ULK2: variants seen among roughly 807,000 people sequenced by gnomAD.
ULK2 encodes the protein serine/threonine-protein kinase ULK2.
ULK2 carries 76 observed loss-of-function variants against 127.5 expected under a neutral mutation model. The ratio of observed to expected loss-of-function variants is 0.60; its 90% CI spans 0.50 to 0.72. ULK2 has a LOEUF of 0.72. Ranked by LOEUF, ULK2 falls within the 30% of genes least tolerant of loss-of-function variation. The pLI is 0.00. For synonymous variants in ULK2, 452 were observed against 461.9 expected, an observed-to-expected ratio of 0.98 and a Z score of 0.28; for missense variants, 1,144 against 1,295.9, an observed-to-expected ratio of 0.88 and a Z score of 1.80.
chr17:19,780,714 T>C (rs1026445055), intron 24 of ULK2, 85 bp from the exon 25 acceptor site: 105 of 1,383,012 alleles, frequency 7.6e-5, no homozygotes, highest in Middle Eastern at 2.4e-4. Context: ...TGCTGATATA[T>C]AGGGAAGGTG....
chr17:19,851,492 T>G (rs1228280543), intron 3 of ULK2, among the ~76,000 whole-genome samples: 1 of 151,120 alleles, frequency 6.6e-6, no homozygotes, highest in East Asian at 2.0e-4. Flanking sequence ...ACAAAGAAAT[T>G]AGCCGGGCGT....
At chr17:19,788,110 C>T (rs563289507) in intron 20 of ULK2, among the ~76,000 whole-genome samples, 5 of 152,180 alleles carry the variant, frequency 3.3e-5, no homozygotes, top group African/African-American at 7.2e-5. Context: ...TAAAGCGCTC[C>T]GGGTCCAAGT....
Position 19,783,692 on chromosome 17 carries a change from T to C in ULK2, c.2460+5A>G, listed in dbSNP as rs2152382212. 2 of 1,506,914 alleles carry C rather than the reference T, an allele frequency of 1.3e-6. No homozygotes were observed. The highest frequency in any genetic ancestry group is 1.8e-4 in the Middle Eastern group (1 of 5,680). The allele number at this position is 1,506,914 out of a possible 1,614,324, so 93.3% of individuals were successfully genotyped here. A position where few individuals can be genotyped will look rare whatever the true frequency, so the allele number is the denominator to read the frequency against. ...ACATTCACACCACTATAGTCTCTTT[T>C]CTACCTCCATCAGCGTCTCCTCCGG... On this transcript the variant is annotated splice_donor_5th_base_variant and intron_variant, in intron 22 of 26. Coordinates refer to ENST00000395544, the MANE Select transcript of ULK2 (RefSeq NM_014683.4).
rs144319943 is a variant in ULK2 at position 19,825,508 on chromosome 17, G to C, written c.836-326C>G. 7.7e-4 allele frequency among the ~76,000 whole-genome samples: 117 copies of C among 152,222 alleles called. 4 individuals carry two copies. The East Asian group carries it at 0.021, about 28-fold the overall frequency. On this transcript the variant is annotated intron_variant, in intron 11 of 26. Transcript: ENST00000395544. ...GAGGATCACTTGAGGTCAGGAGTTT[G>C]AGACCAGCCTGACCAACATGGTGAA...
intron 17 of ULK2, among the ~76,000 whole-genome samples, chr17:19,797,931 T>C (rs1363958233): frequency 6.6e-6 from 1 of 152,148 alleles, no homozygotes. Flanking sequence ...AATCAGTAGA[T>C]AGCAAATAAC....
rs181140352 is a variant in ULK2 at position 19,852,901 on chromosome 17, C to T, written c.226-3127G>A. ...TCCTGACCTCGTGATCCGCCCACCT[C>T]GGCCTCCCAAAGTGCTGGGATTACA... On this transcript the variant is annotated intron_variant, in intron 3 of 26. Transcript: ENST00000395544. 3.6e-3 allele frequency among the ~76,000 whole-genome samples: 545 copies of T among 152,084 alleles called. 3 individuals carry two copies. Among genetic ancestry groups the T allele is most frequent in the African/African-American group, 0.013 (522 of 41,508 alleles).
intron 10 of ULK2, among the ~76,000 whole-genome samples, chr17:19,835,671 C>T (rs1329883877): frequency 6.6e-6 from 1 of 150,682 alleles, no homozygotes; most frequent in Non-Finnish European, 1.5e-5. Context: ...GAGCCGAGAT[C>T]CCGCCACTGC....
Position 19,771,353 on chromosome 17 carries a change from A to G in ULK2, c.*4996T>C, listed in dbSNP as rs2086734404. The G allele has an allele frequency of 6.6e-6, 1 of 152,244 alleles. No individual in the cohort carries two copies. The highest frequency in any genetic ancestry group is 6.5e-5 in the Admixed American group (1 of 15,284). The allele number at this position is 152,244 out of a possible 1,614,324, so 9.4% of individuals were successfully genotyped here. Reference sequence around the variant, plus strand: ...CCACTTAAACAGCCAAATTGACTTAAAAGGGCAACATAGATGTCTGAAGCC... The same window carrying G: ...CCACTTAAACAGCCAAATTGACTTAGAAGGGCAACATAGATGTCTGAAGCC... On this transcript the variant is annotated 3_prime_UTR_variant, in exon 27 of 27. Transcript: ENST00000395544.
chr17:19,845,556 G>C (rs1440537261), intron 6 of ULK2, among the ~76,000 whole-genome samples, 179 bp from the exon 7 acceptor site: 1 of 152,148 alleles, frequency 6.6e-6, no homozygotes, highest in Non-Finnish European at 1.5e-5. Flanking sequence ...GCTAAAAATA[G>C]TAGTAATCGT....
rs1469226699 is a variant in ULK2, at chr17:19,867,587, G to A, written c.-170C>T. 1 of 331,480 alleles carries A rather than the reference G, an allele frequency of 3.0e-6. No homozygotes were observed. Among genetic ancestry groups the A allele is most frequent in the Non-Finnish European group, 5.2e-6 (1 of 192,146 alleles). 20.5% of individuals were successfully genotyped at this position (331,480 alleles called of 1,614,324 possible). On this transcript the variant is annotated 5_prime_UTR_variant, in exon 1 of 27. Transcript: ENST00000395544. ...CCGAGAGACCGGAGCGGAAACTGGG[G>A]AAGCTGCCGCGCGGAGCCAGGGTCA...
At chr17:19,865,996 A>G (rs2042343523) in intron 1 of ULK2, among the ~76,000 whole-genome samples, 168 bp from the exon 2 acceptor site, 1 of 152,340 alleles carries the variant, frequency 6.6e-6, no homozygotes, top group East Asian at 1.9e-4. Context: ...GCAATATGCC[A>G]AGATCCTACA....
In ULK2 at chr17:19,771,092, G is replaced by T. The variant is rs148722504; in HGVS notation, c.*5257C>A. The T allele has an allele frequency of 3.9e-5, 6 of 152,332 alleles. No individual in the cohort carries two copies. In the East Asian group the frequency reaches 7.7e-4, roughly 20 times the overall value. The allele number at this position is 152,332 out of a possible 1,614,324, so 9.4% of individuals were successfully genotyped here. A position where few individuals can be genotyped will look rare whatever the true frequency, so the allele number is the denominator to read the frequency against. On this transcript the variant is annotated 3_prime_UTR_variant, in exon 27 of 27. Transcript: ENST00000395544. ...CCTGTACATCAGAAAGAATGCATTA[G>T]AAACTCAAGGAGTGAGCATTTGGGC... is the stretch of plus-strand genomic sequence containing the variant.
intron 1 of ULK2, 67 bp from the exon 2 acceptor site, chr17:19,865,895 G>T: frequency 1.1e-6 from 1 of 936,098 alleles, no homozygotes; most frequent in Non-Finnish European, 1.6e-6. Flanking sequence ...AAATTTACAA[G>T]CGCGAAGGTG....
intron 3 of ULK2, 29 bp from the exon 4 acceptor site, chr17:19,849,803 T>C (rs1437183697): frequency 2.2e-6 from 3 of 1,390,636 alleles, no homozygotes; most frequent in Non-Finnish European, 2.9e-6. Flanking sequence ...AAATATCATT[T>C]AGAGAAAAAT....
rs375591530 is a variant in ULK2 at position 19,809,463 on chromosome 17, C to A, written c.1157+915G>T. Among the ~76,000 whole-genome samples the A allele has an allele frequency of 1.1e-4, 16 of 152,086 alleles. No homozygotes were observed. In the East Asian group the frequency reaches 1.7e-3, roughly 17 times the overall value. On this transcript the variant is annotated intron_variant, in intron 14 of 26. Coordinates refer to ENST00000395544, the MANE Select transcript of ULK2 (RefSeq NM_014683.4). ...AATTAAAATTTCAGGCTGGGCACAG[C>A]GGCTCACAACTGTAATCCCAGCACT... is the stretch of plus-strand genomic sequence containing the variant.
At chr17:19,831,269 C>T (rs891201435) in intron 10 of ULK2, among the ~76,000 whole-genome samples, 9 of 151,948 alleles carry the variant, frequency 5.9e-5, no homozygotes, top group Non-Finnish European at 1.5e-5. Context: ...ATGATTCACT[C>T]ACCTCCCACC....
chr17:19,829,695 G>C (rs1361304798), intron 10 of ULK2, among the ~76,000 whole-genome samples: 2 of 150,484 alleles, frequency 1.3e-5, no homozygotes, highest in African/African-American at 4.9e-5. Flanking sequence ...AATTAGCTGG[G>C]CATGGTGGCA....
intron 12 of ULK2, 88 bp downstream of exon 12, chr17:19,825,006 G>C: frequency 8.2e-7 from 1 of 1,222,260 alleles, no homozygotes; most frequent in South Asian, 1.4e-5. Context: ...CACATAAAAA[G>C]AATATCCACA....
At chr17:19,820,152 G>A (rs572270674) in intron 12 of ULK2, among the ~76,000 whole-genome samples, 3 of 151,378 alleles carry the variant, frequency 2.0e-5, no homozygotes, top group East Asian at 1.9e-4. Flanking sequence ...GGGTTCAAGC[G>A]ATTCTCCTGC....
Sources: gnomAD v4.1 joint callset for allele counts (sites outside exome capture counted in the v4.1 genomes callset) on GRCh38, gnomAD v4.1.1 for gene constraint, MANE v1.5 for transcripts, NCBI Gene and HGNC (gene_info 2026-07-23, HGNC 2026-07-21) for gene names.